The following KCNQ5 variants were observed in gnomAD, a reference collection of about 807,000 sequenced individuals.
KCNQ5 encodes the protein potassium voltage-gated channel subfamily KQT member 5.
A neutral mutation model predicts 98.2 loss-of-function variants in KCNQ5; 30 were observed. The observed-to-expected ratio is 0.31, with a 90% CI of 0.23 to 0.41. KCNQ5 has a LOEUF of 0.41. KCNQ5 is among the 10% of genes least tolerant of loss of function. The pLI, the probability that KCNQ5 is intolerant of heterozygous loss-of-function variation, is 1.00. For synonymous variants in KCNQ5, 458 were observed against 449.4 expected (o/e 1.02, Z -0.24); for missense variants, 835 against 1,182.5 (o/e 0.71, Z 4.31).
intron 12 of KCNQ5, 37 bp from the exon 13 acceptor site, chr6:73,192,528 T>G: frequency 6.4e-7 from 1 of 1,565,124 alleles, no homozygotes; most frequent in Non-Finnish European, 8.7e-7. Flanking sequence ...ATCTCCACCT[T>G]CAGCCCTCAT....
At chr6:72,706,296 G>A (rs943487532) in intron 1 of KCNQ5, among the ~76,000 whole-genome samples, 3 of 151,748 alleles carry the variant, frequency 2.0e-5, no homozygotes, top group Admixed American at 1.3e-4. Flanking sequence ...GATGTTTTCT[G>A]TGTAAGATGA....
chr6:73,140,780 T>C (rs1177260708), intron 10 of KCNQ5, among the ~76,000 whole-genome samples: 2 of 152,226 alleles, frequency 1.3e-5, no homozygotes, highest in African/African-American at 2.4e-5. Context: ...AGTACTTCCT[T>C]AACTTATTGG....
intron 1 of KCNQ5, among the ~76,000 whole-genome samples, chr6:72,718,431 T>C (rs958738465): frequency 2.7e-5 from 4 of 150,504 alleles, no homozygotes; most frequent in African/African-American, 9.8e-5. Flanking sequence ...GTCTTGAGAT[T>C]CTTCCTTTCT....
chr6:72,933,311 G>A (rs902578115), intron 1 of KCNQ5, among the ~76,000 whole-genome samples: 11 of 152,264 alleles, frequency 7.2e-5, no homozygotes, highest in Middle Eastern at 3.4e-3. Context: ...TTTCCTGGCC[G>A]GAATGTTTTA....
intron 1 of KCNQ5, among the ~76,000 whole-genome samples, chr6:72,649,838 A>G (rs1319884960): frequency 6.6e-6 from 1 of 152,162 alleles, no homozygotes; most frequent in African/African-American, 2.4e-5. Flanking sequence ...AAGGTCACAG[A>G]CAACATGAAC....
At chr6:73,122,658 G>A (rs1562191912) in intron 8 of KCNQ5, among the ~76,000 whole-genome samples, 3 of 152,178 alleles carry the variant, frequency 2.0e-5, no homozygotes, top group Admixed American at 6.5e-5. Context: ...CCCTTCCAGT[G>A]ATGCTTCATT....
At chr6:72,800,677 G>C (rs1451997234) in intron 1 of KCNQ5, among the ~76,000 whole-genome samples, 2 of 152,136 alleles carry the variant, frequency 1.3e-5, no homozygotes, top group East Asian at 3.8e-4. Context: ...GCTTTTGAAT[G>C]TGTTTGCTCT....
chr6:72,742,024 T>G (rs139383798), intron 1 of KCNQ5, among the ~76,000 whole-genome samples: 199 of 152,326 alleles, frequency 1.3e-3, no homozygotes, highest in African/African-American at 4.4e-3. Context: ...GCTCTGCCAT[T>G]GAGCCTATAT....
At chr6:73,124,361 G>A in intron 8 of KCNQ5, 125 bp from the exon 9 acceptor site, 2 of 799,530 alleles carry the variant, frequency 2.5e-6, no homozygotes, top group Non-Finnish European at 4.3e-6. Flanking sequence ...TGCTTTTGTG[G>A]ATCTTGCATG....
At chr6:72,722,342 A>G (rs1192412410) in intron 1 of KCNQ5, among the ~76,000 whole-genome samples, 1 of 152,222 alleles carries the variant, frequency 6.6e-6, no homozygotes, top group Non-Finnish European at 1.5e-5. Flanking sequence ...TGGCCCTTCC[A>G]GCCAAGAGTT....
rs1779051562 is a variant in KCNQ5 at position 72,891,376 on chromosome 6, C to CA, written c.399-112530dup. Among the ~76,000 whole-genome samples, 3 of 152,116 alleles carry CA rather than the reference C, an allele frequency of 2.0e-5. No homozygotes were observed. The South Asian group carries it at 6.2e-4, about 32-fold the overall frequency. ...TTGGATGAACATACTCAAAAAGTGT[C>CA]AATTCAGATATTCTAGAGAATTATC... On this transcript the variant is annotated intron_variant, in intron 1 of 13. Transcript: ENST00000370398.
At chr6:72,994,755 A>T (rs917130642) in intron 1 of KCNQ5, among the ~76,000 whole-genome samples, 1 of 152,250 alleles carries the variant, frequency 6.6e-6, no homozygotes, top group Non-Finnish European at 1.5e-5. Context: ...AAAATATGAG[A>T]TGGGAAAATT....
At position 72,791,037 on chromosome 6, in the gene KCNQ5, T is replaced by C. The variant is rs115637394; in HGVS notation, c.398+168450T>C. Among the ~76,000 whole-genome samples the C allele has an allele frequency of 9.6e-3, 1,462 of 152,280 alleles. 20 individuals are homozygous for C. Among genetic ancestry groups the C allele is most frequent in the African/African-American group, 0.032 (1,313 of 41,552 alleles). ...TAAGTCAATAAACAAGATCATCGCA[T>C]CTTTGTAAGTGCTCTGAAGAAAATA... On this transcript the variant is annotated intron_variant, in intron 1 of 13. Transcript: ENST00000370398.
chr6:72,945,221 A>C (rs896871970), intron 1 of KCNQ5, among the ~76,000 whole-genome samples: 13 of 152,156 alleles, frequency 8.5e-5, no homozygotes, highest in Non-Finnish European at 1.9e-4. Context: ...TACAAATTTA[A>C]GGGAAAAGCA....
chr6:72,655,432 T>C (rs1380656898), intron 1 of KCNQ5, among the ~76,000 whole-genome samples: 1 of 152,034 alleles, frequency 6.6e-6, no homozygotes, highest in Non-Finnish European at 1.5e-5. Flanking sequence ...TCCAAATGGC[T>C]ATGAAGATTC....
At chr6:72,926,353 T>A (rs1765418931) in intron 1 of KCNQ5, among the ~76,000 whole-genome samples, 1 of 152,200 alleles carries the variant, frequency 6.6e-6, no homozygotes, top group Admixed American at 6.6e-5. Context: ...GGAAAACAGC[T>A]GTTGAAAATT....
At chr6:72,709,513 C>T (rs759761947) in intron 1 of KCNQ5, among the ~76,000 whole-genome samples, 17 of 152,296 alleles carry the variant, frequency 1.1e-4, no homozygotes, top group Admixed American at 7.8e-4. Context: ...GATGCTTAAA[C>T]TGAGGGTATA....
At chr6:72,931,739 A>T (rs1765701552) in intron 1 of KCNQ5, among the ~76,000 whole-genome samples, 1 of 152,098 alleles carries the variant, frequency 6.6e-6, no homozygotes, top group Admixed American at 6.6e-5. Flanking sequence ...GCATTTAGAC[A>T]CCCAGGGCCC....
intron 1 of KCNQ5, among the ~76,000 whole-genome samples, chr6:72,997,460 T>A (rs994210879): frequency 2.6e-5 from 4 of 152,030 alleles, no homozygotes; most frequent in Non-Finnish European, 5.9e-5. Flanking sequence ...CTTTAAAAAC[T>A]GCTCGCTGAT....
Sources: allele counts gnomAD v4.1 joint callset (sites outside exome capture counted in the v4.1 genomes callset), GRCh38; gene constraint gnomAD v4.1.1; transcripts MANE v1.5; gene names NCBI Gene and HGNC (gene_info 2026-07-23, HGNC 2026-07-21).